Variants in WDR72 observed in about 807,000 individuals in gnomAD.
WDR72 encodes WD repeat-containing protein 72.
A neutral mutation model predicts 124.2 loss-of-function variants in WDR72; 120 were observed. The ratio of observed to expected loss-of-function variants is 0.97; its 90% CI spans 0.83 to 1.12. The LOEUF (loss-of-function observed/expected upper bound fraction) is 1.12. Ranked by LOEUF, WDR72 falls within the 50% of genes most tolerant of loss-of-function variation. The pLI is 0.00. For synonymous variants in WDR72, 452 were observed against 441.7 expected (o/e 1.02, Z -0.29); for missense variants, 1,387 against 1,278.8 (o/e 1.08, Z -1.29).
chr15:53,739,177 G>A (rs1471030231), intron 1 of WDR72, among the ~76,000 whole-genome samples: 1 of 152,036 alleles, frequency 6.6e-6, no homozygotes, highest in East Asian at 1.9e-4. Flanking sequence ...GAGACAGAAG[G>A]AGAATGAAGT....
At chr15:53,650,589 T>C (rs977673564) in intron 14 of WDR72, among the ~76,000 whole-genome samples, 2 of 152,158 alleles carry the variant, frequency 1.3e-5, no homozygotes, top group Non-Finnish European at 2.9e-5. Context: ...CCCATCTTCA[T>C]ATTCTGGGCT....
intron 19 of WDR72, among the ~76,000 whole-genome samples, chr15:53,522,827 G>C (rs1891876020): frequency 6.6e-6 from 1 of 151,972 alleles, no homozygotes; most frequent in Non-Finnish European, 1.5e-5. Context: ...TTGTAATGAT[G>C]ACAGTTTCTC....
At chr15:53,724,954 C>T (rs1404872797) in intron 2 of WDR72, among the ~76,000 whole-genome samples, 1 of 151,600 alleles carries the variant, frequency 6.6e-6, no homozygotes, top group Non-Finnish European at 1.5e-5. Flanking sequence ...CCTAAAATTT[C>T]TAAAATTAAA....
chr15:53,657,133 A>G (rs778265299), intron 14 of WDR72, among the ~76,000 whole-genome samples: 6 of 151,846 alleles, frequency 4.0e-5, no homozygotes, highest in East Asian at 1.9e-4. Context: ...TTGTGGTGGC[A>G]TGCACTTGTA....
intron 19 of WDR72, among the ~76,000 whole-genome samples, chr15:53,520,382 G>C (rs1014374703): frequency 1.3e-5 from 2 of 152,038 alleles, no homozygotes; most frequent in Non-Finnish European, 2.9e-5. Context: ...ACCACATTCA[G>C]CTTTGTAACT....
intron 18 of WDR72, among the ~76,000 whole-genome samples, chr15:53,552,370 G>A (rs1906424): frequency 0.28 from 42,423 of 151,926 alleles, 6,604 homozygotes; most frequent in African/African-American, 0.43. Flanking sequence ...CAAAGCACAT[G>A]GTCACATCTC....
rs147902201 is a variant in WDR72 at position 53,573,837 on chromosome 15, C to T, written c.3148+23242G>A. ...CTGGGATTACAGGCGTGAGCCACGG[C>T]GCCCAGCCAACATCAACTGTTTCAT... is the stretch of plus-strand genomic sequence containing the variant. On this transcript the variant is annotated intron_variant, in intron 18 of 19. Transcript: ENST00000360509. Among the ~76,000 whole-genome samples, 478 of 152,326 alleles carry T rather than the reference C, an allele frequency of 3.1e-3. 3 individuals are homozygous for T. The highest frequency in any genetic ancestry group is 0.011 in the African/African-American group (462 of 41,578).
At position 53,589,448 on chromosome 15, in the gene WDR72, A is replaced by G. The variant is rs559300361; in HGVS notation, c.3148+7631T>C. Among the ~76,000 whole-genome samples the G allele has an allele frequency of 7.2e-5, 11 of 152,026 alleles. 1 individual carries two copies. Among genetic ancestry groups the G allele is most frequent in the Non-Finnish European group, 1.5e-4 (10 of 67,896 alleles). ...TTCCATCCATTCACCCATCCACTCA[A>G]TAAACACTTATTAACAGCTTCTAAG... On this transcript the variant is annotated intron_variant, in intron 18 of 19. Transcript: ENST00000360509.
At chr15:53,566,675 T>C (rs1039055214) in intron 18 of WDR72, among the ~76,000 whole-genome samples, 15 of 151,526 alleles carry the variant, frequency 9.9e-5, no homozygotes, top group African/African-American at 3.6e-4. Flanking sequence ...ATGAAAGAGG[T>C]GAGGAACAAA....
At chr15:53,715,064 T>A in intron 5 of WDR72, 129 bp downstream of exon 5, 2 of 1,020,256 alleles carry the variant, frequency 2.0e-6, no homozygotes. Context: ...ATTACAGACA[T>A]ATCCTCATTA....
At chr15:53,560,569 A>AT (rs925860131) in intron 18 of WDR72, among the ~76,000 whole-genome samples, 6 of 151,538 alleles carry the variant, frequency 4.0e-5, no homozygotes, top group African/African-American at 1.5e-4. Context: ...ACACCAGGTT[A>AT]TTTTTTTTCC....
intron 1 of WDR72, 152 bp from the exon 2 acceptor site, chr15:53,733,313 G>T: frequency 1.3e-6 from 1 of 784,660 alleles, no homozygotes; most frequent in Non-Finnish European, 2.1e-6. Context: ...AATTAGAAGA[G>T]AAAGTAGTCA....
chr15:53,661,541 G>A (rs1010401088), intron 14 of WDR72, among the ~76,000 whole-genome samples: 9 of 152,082 alleles, frequency 5.9e-5, no homozygotes, highest in African/African-American at 1.9e-4. Context: ...AAATTTCAAC[G>A]TAAGGTTGGA....
intron 14 of WDR72, among the ~76,000 whole-genome samples, chr15:53,618,384 C>T (rs1442601780): frequency 2.0e-5 from 3 of 151,962 alleles, no homozygotes; most frequent in Admixed American, 6.6e-5. Flanking sequence ...ACTTGCCTAT[C>T]AGTTATTTAG....
intron 14 of WDR72, among the ~76,000 whole-genome samples, chr15:53,663,081 C>T (rs914533560): frequency 1.4e-5 from 2 of 139,928 alleles, no homozygotes; most frequent in African/African-American, 2.8e-5. Flanking sequence ...AAAATAAGAC[C>T]CTGCCTCTAA....
intron 13 of WDR72, among the ~76,000 whole-genome samples, chr15:53,687,891 T>G (rs1195748782): frequency 1.3e-5 from 2 of 149,636 alleles, no homozygotes; most frequent in East Asian, 4.0e-4. Flanking sequence ...ATCCCTGGGA[T>G]GCAAGGCTGG....
rs1225923706 is a variant in WDR72 at position 53,613,646 on chromosome 15, T to C, written c.2872+20A>G. 6.4e-7 allele frequency: 1 copy of C among 1,554,400 alleles called. No homozygotes were observed. Among genetic ancestry groups the C allele is most frequent in the Non-Finnish European group, 8.9e-7 (1 of 1,127,750 alleles). On this transcript the variant is annotated intron_variant, in intron 16 of 19. Coordinates refer to ENST00000360509, the MANE Select transcript of WDR72 (RefSeq NM_182758.4). ...CAGAAAAAAAAAATCAGATCATATCTGTGCCAGTAACTCTCTTACCATTTC... is the reference window on the plus strand; with the variant it reads ...CAGAAAAAAAAAATCAGATCATATCCGTGCCAGTAACTCTCTTACCATTTC...
rs35292476 is a variant in WDR72 at position 53,613,582 on chromosome 15, C to A, written c.2872+84G>T. ...TTTATATATGTTATTTATTTTGACACTGCTAACCAGTTATAGAAAGACTAG... is the reference window on the plus strand; with the variant it reads ...TTTATATATGTTATTTATTTTGACAATGCTAACCAGTTATAGAAAGACTAG... On this transcript the variant is annotated intron_variant, in intron 16 of 19. Coordinates refer to ENST00000360509, the MANE Select transcript of WDR72 (RefSeq NM_182758.4). 4.4e-6 allele frequency: 4 copies of A among 903,346 alleles called. No homozygotes were observed. The African/African-American group carries it at 6.6e-5, about 15-fold the overall frequency. 56.0% of individuals were successfully genotyped at this position (903,346 alleles called of 1,614,324 possible). A position where few individuals can be genotyped will look rare whatever the true frequency, so the allele number is the denominator to read the frequency against.
rs2017579630 is a variant in WDR72 at position 53,712,687 on chromosome 15, A to G, written c.711+85T>C. ...TACTATTACAGAGAATTTGTATCAT[A>G]TTTAAATCATATTCTTATTTTTGTA... On this transcript the variant is annotated intron_variant, in intron 7 of 19. Transcript: ENST00000360509. 8 of 1,298,942 alleles carry G rather than the reference A, an allele frequency of 6.2e-6. No individual in the cohort carries two copies. In the East Asian group the frequency reaches 2.0e-4, roughly 32 times the overall value. 80.5% of individuals were successfully genotyped at this position (1,298,942 alleles called of 1,614,324 possible).
Sources: allele counts gnomAD v4.1 joint callset (sites outside exome capture counted in the v4.1 genomes callset), GRCh38; gene constraint gnomAD v4.1.1; transcripts MANE v1.5; gene names NCBI Gene and HGNC (gene_info 2026-07-23, HGNC 2026-07-21).